The following HECTD2 variants were observed in gnomAD, a reference collection of about 807,000 sequenced individuals.
HECTD2 encodes the protein probable E3 ubiquitin-protein ligase HECTD2.
HECTD2 carries 35 observed loss-of-function variants against 103.2 expected under a neutral mutation model. The ratio of observed to expected loss-of-function variants is 0.34; its 90% CI spans 0.26 to 0.45. The LOEUF (loss-of-function observed/expected upper bound fraction) is 0.45, where lower values mean the gene tolerates loss of function less well. Among genes scored for constraint, HECTD2 ranks in the 20% least tolerant of loss-of-function variants. The pLI is 1.00. For synonymous variants in HECTD2, 281 were observed against 329.9 expected, an observed-to-expected ratio of 0.85 and a Z score of 1.61; for missense variants, 596 against 937.4, an observed-to-expected ratio of 0.64 and a Z score of 4.76.
intron 2 of HECTD2, among the ~76,000 whole-genome samples, chr10:91,435,219 G>A (rs1402841438): frequency 6.6e-6 from 1 of 151,888 alleles, no homozygotes; most frequent in Non-Finnish European, 1.5e-5. Context: ...GTTAACTATT[G>A]TTCCCTTTTT....
intron 5 of HECTD2, among the ~76,000 whole-genome samples, chr10:91,474,442 C>A (rs1346610329): frequency 1.3e-5 from 2 of 151,966 alleles, no homozygotes; most frequent in Non-Finnish European, 2.9e-5. Context: ...CCTTCTAAAC[C>A]AAAGGAAGTT....
chr10:91,457,141 G>A (rs1294781801), intron 2 of HECTD2, among the ~76,000 whole-genome samples: 2 of 151,924 alleles, frequency 1.3e-5, no homozygotes, highest in South Asian at 2.1e-4. Flanking sequence ...AATTTGCCTC[G>A]TTTTATAACC....
At chr10:91,477,226 C>G (rs1201290160) in intron 5 of HECTD2, among the ~76,000 whole-genome samples, 1 of 150,906 alleles carries the variant, frequency 6.6e-6, no homozygotes, top group Non-Finnish European at 1.5e-5. Flanking sequence ...AATGCAGATG[C>G]CAAGTGTGTA....
rs527930838 is a variant in HECTD2 at position 91,451,258 on chromosome 10, A to G, written c.269-9169A>G. Among the ~76,000 whole-genome samples, 22 of 152,262 alleles carry G rather than the reference A, an allele frequency of 1.4e-4. No homozygotes were observed. In the South Asian group the frequency reaches 3.5e-3, roughly 24 times the overall value. On this transcript the variant is annotated intron_variant, in intron 2 of 20. Transcript: ENST00000298068. Reference sequence around the variant, plus strand: ...AAGCTGGAAAGCATTATTCTCAGCAAACTATCACAGGAACAGAAAACCGAA... The same window carrying G: ...AAGCTGGAAAGCATTATTCTCAGCAGACTATCACAGGAACAGAAAACCGAA...
chr10:91,506,387 A>G (rs1313169284), intron 20 of HECTD2, among the ~76,000 whole-genome samples: 2 of 152,092 alleles, frequency 1.3e-5, no homozygotes, highest in African/African-American at 4.8e-5. Context: ...CAAGACTAAT[A>G]AAGAAAAAAA....
intron 2 of HECTD2, among the ~76,000 whole-genome samples, chr10:91,437,163 C>T (rs1211402479): frequency 6.6e-6 from 1 of 152,016 alleles, no homozygotes; most frequent in Admixed American, 6.6e-5. Context: ...ATTTTATTCA[C>T]AAATATGTAA....
chr10:91,424,692 A>G (rs1489217775), intron 1 of HECTD2, among the ~76,000 whole-genome samples: 1 of 152,098 alleles, frequency 6.6e-6, no homozygotes, highest in Non-Finnish European at 1.5e-5. Flanking sequence ...ATGTTTTAGA[A>G]GATTGCTATT....
At chr10:91,475,950 T>G (rs1237812720) in intron 5 of HECTD2, among the ~76,000 whole-genome samples, 1 of 152,178 alleles carries the variant, frequency 6.6e-6, no homozygotes, top group Non-Finnish European at 1.5e-5. Context: ...ATACCCCAAC[T>G]TCACTCTCTT....
At chr10:91,512,170 T>A in intron 20 of HECTD2, 94 bp from the exon 21 acceptor site, 2 of 1,303,524 alleles carry the variant, frequency 1.5e-6, no homozygotes, top group Non-Finnish European at 2.1e-6. Flanking sequence ...GAAATAGATT[T>A]GAATGTGTGT....
chr10:91,432,685 C>G (rs1381104969), intron 2 of HECTD2, among the ~76,000 whole-genome samples: 1 of 151,926 alleles, frequency 6.6e-6, no homozygotes, highest in African/African-American at 2.4e-5. Context: ...AAAAATCTTT[C>G]CAGCCTAGGT....
chr10:91,462,125 G>A lies in HECTD2; in HGVS notation c.541G>A (p.Glu181Lys). ...KDATASFNTIEDSGINAKFVN... is the reference protein window; with the variant it reads ...KDATASFNTIKDSGINAKFVN... ...TGCCACTGCCTCATTTAACACCATT[G>A]AAGACTCTGGGATTAATGCTAAATT... Residue 181 changes from glutamate to lysine, a missense_variant, in exon 5 of 21, where the codon GAA becomes AAA. Around this residue, in one of 4 missense-constraint regions of HECTD2, gnomAD observed 220 missense variants for 233.9 expected, o/e 0.94. Transcript: ENST00000298068. 1 of 1,596,862 alleles carries A rather than the reference G, an allele frequency of 6.3e-7. No homozygotes were observed. Among genetic ancestry groups the A allele is most frequent in the Non-Finnish European group, 8.6e-7 (1 of 1,166,516 alleles).
intron 5 of HECTD2, chr10:91,464,431 C>G (rs991524851): frequency 6.6e-6 from 1 of 152,170 alleles, no homozygotes; most frequent in African/African-American, 2.4e-5. Context: ...TGGAACATGA[C>G]AGTAGAAATA....
chr10:91,428,791 G>C (rs1456240063), intron 2 of HECTD2, among the ~76,000 whole-genome samples: 1 of 152,014 alleles, frequency 6.6e-6, no homozygotes, highest in Non-Finnish European at 1.5e-5. Context: ...AGACAATAGG[G>C]TTTTCTAGAT....
intron 7 of HECTD2, 23 bp from the exon 8 acceptor site, chr10:91,482,944 A>G (rs1846146426): frequency 9.0e-7 from 1 of 1,113,292 alleles, no homozygotes; most frequent in East Asian, 2.5e-5. Context: ...TTTTAACACA[A>G]TTATCTTTAA....
intron 1 of HECTD2, among the ~76,000 whole-genome samples, chr10:91,418,083 T>C (rs1843203696): frequency 2.0e-5 from 3 of 151,888 alleles, no homozygotes; most frequent in Admixed American, 2.0e-4. Flanking sequence ...AAATAGAAAT[T>C]ATTGAGATTT....
rs545045518 is a variant in HECTD2 at position 91,463,505 on chromosome 10, C to T, written c.600+1321C>T. The T allele has an allele frequency of 5.3e-4, 80 of 152,188 alleles. 1 individual carries two copies. The highest frequency in any genetic ancestry group is 1.9e-3 in the African/African-American group (79 of 41,524). 9.4% of individuals were successfully genotyped at this position (152,188 alleles called of 1,614,324 possible). On this transcript the variant is annotated intron_variant, in intron 5 of 20. Coordinates refer to ENST00000298068, the MANE Select transcript of HECTD2 (RefSeq NM_182765.6). ...TATTCATCCATTAATTCTAATAGTA[C>T]ATCAGTAAATTAACTTGGATTTTCT...
chr10:91,477,278 T>C (rs1453446700), intron 5 of HECTD2, among the ~76,000 whole-genome samples: 1 of 152,086 alleles, frequency 6.6e-6, no homozygotes, highest in African/African-American at 2.4e-5. Context: ...GGAGGTGTTA[T>C]AGATTTGAGG....
At chr10:91,428,352 C>T (rs1255278771) in intron 2 of HECTD2, among the ~76,000 whole-genome samples, 8 of 150,540 alleles carry the variant, frequency 5.3e-5, no homozygotes, top group African/African-American at 1.7e-4. Context: ...ATTGACTTGG[C>T]GATGCGGGCT....
chr10:91,415,123 A>G (rs1843067804), intron 1 of HECTD2, among the ~76,000 whole-genome samples: 1 of 152,090 alleles, frequency 6.6e-6, no homozygotes, highest in Admixed American at 6.6e-5. Flanking sequence ...GAAATGAAAG[A>G]GAAGAAAGAT....
Sources: gnomAD v4.1 joint callset for allele counts (sites outside exome capture counted in the v4.1 genomes callset) on GRCh38, gnomAD v4.1.1 for gene constraint, gnomAD v4.1.1 regional missense constraint, MANE v1.5 for transcripts, NCBI Gene and HGNC (gene_info 2026-07-23, HGNC 2026-07-21) for gene names.